The following ARHGAP42 variants were observed in gnomAD, a reference collection of about 807,000 sequenced individuals.
ARHGAP42 encodes Rho GTPase activating protein 42.
ARHGAP42 carries 63 observed loss-of-function variants against 125.0 expected under a neutral mutation model. The observed-to-expected ratio is 0.50, with a 90% CI of 0.41 to 0.62. ARHGAP42 has a LOEUF of 0.62. Ranked by LOEUF, ARHGAP42 falls within the 20% of genes least tolerant of loss-of-function variation. The pLI, the probability that ARHGAP42 is intolerant of heterozygous loss-of-function variation, is 0.00. For missense variants in ARHGAP42, 766 were observed against 1,024.2 expected (o/e 0.75, Z 3.44); for synonymous variants, 339 against 351.0 (o/e 0.97, Z 0.38).
intron 3 of ARHGAP42, among the ~76,000 whole-genome samples, chr11:100,854,079 T>C (rs376954779): frequency 6.6e-6 from 1 of 152,108 alleles, no homozygotes; most frequent in South Asian, 2.1e-4. Context: ...CTTTATTATA[T>C]AGAAAAGAAA....
chr11:100,894,597 A>G (rs1396980334), intron 4 of ARHGAP42, among the ~76,000 whole-genome samples: 2 of 152,210 alleles, frequency 1.3e-5, no homozygotes, highest in African/African-American at 2.4e-5. Context: ...TTCTCTTTTA[A>G]CTACCAAGCT....
intron 17 of ARHGAP42, 52 bp from the exon 18 acceptor site, chr11:100,973,123 C>A: frequency 7.1e-7 from 1 of 1,417,852 alleles, no homozygotes. Context: ...GAGACTATTT[C>A]ATAATTTTGA....
chr11:100,916,436 A>G (rs1370202980), intron 5 of ARHGAP42, among the ~76,000 whole-genome samples: 1 of 152,194 alleles, frequency 6.6e-6, no homozygotes, highest in Non-Finnish European at 1.5e-5. Flanking sequence ...AAACACTTCA[A>G]TGGAAAAAAT....
At chr11:100,899,867 C>T (rs1407560643) in intron 4 of ARHGAP42, among the ~76,000 whole-genome samples, 1 of 151,810 alleles carries the variant, frequency 6.6e-6, no homozygotes, top group Non-Finnish European at 1.5e-5. Flanking sequence ...ATCCAATTTG[C>T]CAGTCTGTGT....
chr11:100,858,086 G>GGTGTGTGTGTGT (rs201861404), intron 3 of ARHGAP42, among the ~76,000 whole-genome samples: 2,708 of 108,758 alleles, frequency 0.025, 38 homozygotes, highest in East Asian at 0.063. Flanking sequence ...TCTGGATAGG[G>GGTGTGTGTGTGT]GTGTGTGTGT....
chr11:100,852,062 A>G (rs1026653047), intron 3 of ARHGAP42, among the ~76,000 whole-genome samples: 2 of 152,050 alleles, frequency 1.3e-5, no homozygotes, highest in African/African-American at 2.4e-5. Context: ...TTCTCCCTGT[A>G]TTAGTTAGAT....
intron 4 of ARHGAP42, among the ~76,000 whole-genome samples, chr11:100,901,548 G>C (rs1004005614): frequency 1.3e-5 from 2 of 152,172 alleles, no homozygotes; most frequent in African/African-American, 4.8e-5. Context: ...GTAGACCTTG[G>C]TGATCTGCAG....
intron 3 of ARHGAP42, among the ~76,000 whole-genome samples, chr11:100,841,174 A>T (rs1321917066): frequency 6.6e-6 from 1 of 152,226 alleles, no homozygotes; most frequent in Non-Finnish European, 1.5e-5. Context: ...ATTCAAGTAC[A>T]AAAATCCTTT....
At chr11:100,773,760 A>G (rs6590820) in intron 2 of ARHGAP42, among the ~76,000 whole-genome samples, 34,164 of 152,090 alleles carry the variant, frequency 0.22, 4,150 homozygotes, top group East Asian at 0.49. Context: ...GCTGTTGCAG[A>G]TTAGATTCGA....
intron 1 of ARHGAP42, among the ~76,000 whole-genome samples, chr11:100,769,962 C>A (rs1223617734): frequency 1.3e-5 from 2 of 151,988 alleles, no homozygotes; most frequent in Non-Finnish European, 2.9e-5. Flanking sequence ...ACTGCACATC[C>A]TGGCTGTGTA....
intron 4 of ARHGAP42, among the ~76,000 whole-genome samples, chr11:100,904,582 C>T (rs1301833872): frequency 6.6e-6 from 1 of 151,396 alleles, no homozygotes; most frequent in Non-Finnish European, 1.5e-5. Flanking sequence ...TTTCTTTGTT[C>T]ACTTTTCTTT....
rs1235308869 is a variant in ARHGAP42 at position 100,993,901 on chromosome 11, TTTAAA to T, written c.*5104_*5108del. ...TTTTTAATGTATGGTTACACTGTGT[TTTAAA>T]TTACTTTAAAAATAAACTTTGTAAG... is the stretch of plus-strand genomic sequence containing the variant. On this transcript the variant is annotated 3_prime_UTR_variant, in exon 24 of 24. Coordinates refer to ENST00000298815, the MANE Select transcript of ARHGAP42 (RefSeq NM_152432.4). 1.2e-5 allele frequency: 2 copies of T among 167,094 alleles called. No individual in the cohort carries two copies. The highest frequency in any genetic ancestry group is 2.9e-5 in the Non-Finnish European group (2 of 68,124). 10.4% of individuals were successfully genotyped at this position (167,094 alleles called of 1,614,324 possible).
At chr11:100,710,540 T>A (rs1861546279) in intron 1 of ARHGAP42, among the ~76,000 whole-genome samples, 1 of 125,680 alleles carries the variant, frequency 8.0e-6, no homozygotes, top group Non-Finnish European at 1.6e-5. Context: ...GGCCAGCAGT[T>A]TTTTTTTTTT....
At chr11:100,884,479 C>A (rs1418781211) in intron 4 of ARHGAP42, among the ~76,000 whole-genome samples, 1 of 152,068 alleles carries the variant, frequency 6.6e-6, no homozygotes, top group African/African-American at 2.4e-5. Flanking sequence ...ATAAACAATA[C>A]TGTAAATCTA....
intron 3 of ARHGAP42, among the ~76,000 whole-genome samples, chr11:100,832,889 C>T (rs1565233335): frequency 6.6e-6 from 1 of 152,162 alleles, no homozygotes; most frequent in Non-Finnish European, 1.5e-5. Context: ...TGAAATGTGA[C>T]ATGGAAGGAT....
At chr11:100,956,106 A>T (rs952467423) in intron 12 of ARHGAP42, among the ~76,000 whole-genome samples, 7 of 152,114 alleles carry the variant, frequency 4.6e-5, no homozygotes, top group African/African-American at 1.7e-4. Context: ...TTGCAAAGCA[A>T]CCATCAACAG....
In ARHGAP42 at chr11:100,759,290, G is replaced by A. The variant is rs56315340; in HGVS notation, c.155-11053G>A. 9.1e-3 allele frequency among the ~76,000 whole-genome samples: 1,389 copies of A among 152,168 alleles called. 14 individuals are homozygous for A. The highest frequency in any genetic ancestry group is 0.032 in the African/African-American group (1,326 of 41,510). On this transcript the variant is annotated intron_variant, in intron 1 of 23. Transcript: ENST00000298815. ...CATATCTTAAGTCTGTGTGTTTGCT[G>A]GGGCTCTGGTTTTCCTCTCTTCCTC...
chr11:100,991,424 A>T lies in ARHGAP42; in HGVS notation c.*2623A>T, dbSNP rs1171339256. On this transcript the variant is annotated 3_prime_UTR_variant, in exon 24 of 24. Transcript: ENST00000298815. ...AGCTTTTCAGGAACAATGTGAAGATACATTAGAATTGCCACATCCATATCT... is the reference window on the plus strand; with the variant it reads ...AGCTTTTCAGGAACAATGTGAAGATTCATTAGAATTGCCACATCCATATCT... 1 of 152,220 alleles carries T rather than the reference A, an allele frequency of 6.6e-6. No homozygotes were observed. The highest frequency in any genetic ancestry group is 1.5e-5 in the Non-Finnish European group (1 of 68,028). 9.4% of individuals were successfully genotyped at this position (152,220 alleles called of 1,614,324 possible).
chr11:100,818,704 A>C (rs1864330610), intron 3 of ARHGAP42, among the ~76,000 whole-genome samples: 1 of 152,174 alleles, frequency 6.6e-6, no homozygotes, highest in Non-Finnish European at 1.5e-5. Flanking sequence ...AGTGAAAGGC[A>C]TACTGGTACC....
Sources: gnomAD v4.1 joint callset for allele counts (sites outside exome capture counted in the v4.1 genomes callset) on GRCh38, gnomAD v4.1.1 for gene constraint, MANE v1.5 for transcripts, NCBI Gene and HGNC (gene_info 2026-07-23, HGNC 2026-07-21) for gene names.